Variants in TMTC1 observed in about 807,000 individuals in gnomAD.
TMTC1 encodes transmembrane O-mannosyltransferase targeting cadherins 1, also known as protein O-mannosyl-transferase TMTC1.
In TMTC1, 73 loss-of-function variants were observed where a neutral mutation model predicts 104.8. The ratio of observed to expected loss-of-function variants is 0.70; its 90% confidence interval spans 0.58 to 0.85. TMTC1 has a LOEUF of 0.85. Ranked by LOEUF, TMTC1 falls within the 40% of genes least tolerant of loss-of-function variation. TMTC1 has a pLI of 0.00. For missense variants in TMTC1, 1,035 were observed against 1,096.1 expected (o/e 0.94, Z 0.79); for synonymous variants, 434 against 428.7 (o/e 1.01, Z -0.15).
At chr12:29,597,693 C>T (rs1314925538) in intron 7 of TMTC1, among the ~76,000 whole-genome samples, 2 of 151,254 alleles carry the variant, frequency 1.3e-5, no homozygotes, top group Admixed American at 6.6e-5. Flanking sequence ...TTTTACAGAG[C>T]TATGCTGAAT....
At chr12:29,780,169 A>G (rs1943800979) in intron 1 of TMTC1, among the ~76,000 whole-genome samples, 2 of 152,222 alleles carry the variant, frequency 1.3e-5, no homozygotes, top group Non-Finnish European at 2.9e-5. Context: ...AGAGAAATAA[A>G]AATCTATGTT....
intron 3 of TMTC1, among the ~76,000 whole-genome samples, chr12:29,757,082 A>G (rs545368394): frequency 6.6e-6 from 1 of 152,368 alleles, no homozygotes; most frequent in East Asian, 1.9e-4. Context: ...ATTTTGGCTT[A>G]TATTTTCAGA....
intron 1 of TMTC1, among the ~76,000 whole-genome samples, chr12:29,781,428 TC>T: frequency 6.6e-6 from 1 of 152,338 alleles, no homozygotes; most frequent in Non-Finnish European, 1.5e-5. Context: ...TTGCCCTTGT[TC>T]TGTCAACTCC....
intron 5 of TMTC1, chr12:29,659,925 G>A (rs1473713372): frequency 6.5e-7 from 1 of 1,536,066 alleles, no homozygotes; most frequent in South Asian, 1.2e-5. Context: ...ATCCTGCTCT[G>A]AAAAGAGGGG....
intron 7 of TMTC1, among the ~76,000 whole-genome samples, chr12:29,593,246 A>T (rs1262264717): frequency 2.6e-5 from 4 of 152,222 alleles, no homozygotes; most frequent in Non-Finnish European, 5.9e-5. Flanking sequence ...ACATCAAAGA[A>T]TTGTTGTGTG....
intron 5 of TMTC1, among the ~76,000 whole-genome samples, chr12:29,678,014 C>T (rs1327622609): frequency 6.6e-6 from 1 of 152,180 alleles, no homozygotes; most frequent in Non-Finnish European, 1.5e-5. Context: ...CCGGCATTCA[C>T]TGGAGTTCTT....
In TMTC1 at chr12:29,536,208, C is replaced by T. The variant is rs753896376; in HGVS notation, c.1785+1G>A. The stretch of plus-strand genomic sequence containing the variant: ...AAAAAACTACTGTGTGAAACAATTA[C>T]CTGCTCAGCCAATAACGAAGCTAAG... On this transcript the variant is annotated splice_donor_variant, in intron 11 of 17. Transcript: ENST00000539277. LOFTEE classifies it high-confidence loss of function. 20 of 1,594,224 alleles carry T rather than the reference C, an allele frequency of 1.3e-5. No homozygotes were observed. The highest frequency in any genetic ancestry group is 1.7e-5 in the Non-Finnish European group (20 of 1,162,772).
chr12:29,557,809 A>G (rs1052432335), intron 9 of TMTC1, among the ~76,000 whole-genome samples: 2 of 152,220 alleles, frequency 1.3e-5, no homozygotes, highest in Admixed American at 1.3e-4. Flanking sequence ...AGGATGATAT[A>G]TAATGTCACC....
At chr12:29,729,248 G>C (rs981864811) in intron 5 of TMTC1, among the ~76,000 whole-genome samples, 1 of 151,406 alleles carries the variant, frequency 6.6e-6, no homozygotes, top group African/African-American at 2.4e-5. Flanking sequence ...AATTATGTTG[G>C]AATATCTGCT....
chr12:29,594,288 A>G (rs908250929), intron 7 of TMTC1, among the ~76,000 whole-genome samples: 1 of 152,228 alleles, frequency 6.6e-6, no homozygotes, highest in Admixed American at 6.5e-5. Flanking sequence ...ACTATATTTG[A>G]GAGTCCAGCA....
chr12:29,662,447 C>T lies in TMTC1; in HGVS notation c.939-29111G>A, dbSNP rs535320404. The stretch of plus-strand genomic sequence containing the variant: ...CAGGCGGATCACGAGGTCAGGAGTT[C>T]GAGACCAGCCTGGTCAATATGGTGA... On this transcript the variant is annotated intron_variant, in intron 5 of 17. Transcript: ENST00000539277. Among the ~76,000 whole-genome samples, 176 of 152,052 alleles carry T rather than the reference C, an allele frequency of 1.2e-3. 1 individual carries two copies. The South Asian group carries it at 0.015, about 13-fold the overall frequency.
chr12:29,642,799 C>G (rs1938916571), intron 5 of TMTC1, among the ~76,000 whole-genome samples: 1 of 152,010 alleles, frequency 6.6e-6, no homozygotes, highest in Admixed American at 6.5e-5. Flanking sequence ...GTGGCGGGCG[C>G]CTGTGGTCCC....
chr12:29,715,933 A>T (rs1216168726), intron 5 of TMTC1, among the ~76,000 whole-genome samples: 1 of 151,836 alleles, frequency 6.6e-6, no homozygotes, highest in Non-Finnish European at 1.5e-5. Flanking sequence ...ACATGTGGGG[A>T]TTATGGGAAC....
At chr12:29,758,808 T>C in intron 2 of TMTC1, 31 bp from the exon 3 acceptor site, 1 of 1,560,288 alleles carries the variant, frequency 6.4e-7, no homozygotes, top group Non-Finnish European at 8.7e-7. Flanking sequence ...AAAATGAAAC[T>C]TCAGACAATT....
At chr12:29,747,532 C>T (rs1217550179) in intron 5 of TMTC1, among the ~76,000 whole-genome samples, 1 of 152,046 alleles carries the variant, frequency 6.6e-6, no homozygotes, top group Non-Finnish European at 1.5e-5. Flanking sequence ...AACATTTGGC[C>T]CAATTCTTGT....
chr12:29,627,523 T>C (rs375977089), intron 6 of TMTC1, among the ~76,000 whole-genome samples: 4 of 152,188 alleles, frequency 2.6e-5, no homozygotes, highest in Non-Finnish European at 4.4e-5. Context: ...GAATGCAACA[T>C]GGTACAGCCA....
intron 5 of TMTC1, among the ~76,000 whole-genome samples, chr12:29,735,638 T>G (rs1196682685): frequency 6.6e-6 from 1 of 152,176 alleles, no homozygotes; most frequent in East Asian, 1.9e-4. Flanking sequence ...CAGGGCCATT[T>G]CATAAAATAC....
chr12:29,606,139 T>A (rs531416118), intron 6 of TMTC1, among the ~76,000 whole-genome samples: 2 of 152,186 alleles, frequency 1.3e-5, no homozygotes, highest in African/African-American at 4.8e-5. Context: ...TGATTCCATG[T>A]CTTTGCTATT....
intron 5 of TMTC1, among the ~76,000 whole-genome samples, chr12:29,643,675 C>A (rs1396949060): frequency 0.069 from 11 of 160 alleles, no homozygotes; most frequent in African/African-American, 0.14. Flanking sequence ...TAATATATAT[C>A]TATATATTAT....
Sources: gnomAD v4.1 joint callset for allele counts (sites outside exome capture counted in the v4.1 genomes callset) on GRCh38, gnomAD v4.1.1 for gene constraint, MANE v1.5 for transcripts, NCBI Gene and HGNC (gene_info 2026-07-23, HGNC 2026-07-21) for gene names.